The following BRINP1 variants were observed in gnomAD, a reference collection of about 807,000 sequenced individuals.
BRINP1 encodes the protein BMP/retinoic acid inducible neural specific 1.
BRINP1 carries 17 observed loss-of-function variants against 72.9 expected under a neutral mutation model. That is an observed-to-expected ratio of 0.23 (90% CI 0.16 to 0.35). The LOEUF (loss-of-function observed/expected upper bound fraction) is 0.35. BRINP1 is among the 10% of genes least tolerant of loss of function. The pLI is 1.00. For synonymous variants in BRINP1, 418 were observed against 378.5 expected, an observed-to-expected ratio of 1.10 and a Z score of -1.21; for missense variants, 850 against 1,001.6, an observed-to-expected ratio of 0.85 and a Z score of 2.04.
intron 5 of BRINP1, among the ~76,000 whole-genome samples, chr9:119,227,833 C>T (rs1018275371): frequency 1.3e-5 from 2 of 151,964 alleles, no homozygotes; most frequent in Admixed American, 6.6e-5. Flanking sequence ...TTTTCATCCT[C>T]TTTGAGCCTC....
At chr9:119,323,999 C>G (rs906720680) in intron 1 of BRINP1, among the ~76,000 whole-genome samples, 1 of 152,158 alleles carries the variant, frequency 6.6e-6, no homozygotes. Flanking sequence ...AACTTTCATC[C>G]AAATGTCAGA....
intron 7 of BRINP1, among the ~76,000 whole-genome samples, chr9:119,180,171 A>G (rs973752831): frequency 6.6e-6 from 1 of 152,176 alleles, no homozygotes; most frequent in African/African-American, 2.4e-5. Flanking sequence ...GAGGAAGAAA[A>G]ACAGATCTAG....
intron 5 of BRINP1, among the ~76,000 whole-genome samples, chr9:119,231,689 G>A (rs62567663): frequency 0.04 from 6,127 of 152,030 alleles, 281 homozygotes; most frequent in African/African-American, 0.11. Context: ...AGTATTTGAC[G>A]CAGTTACTGC....
chr9:119,324,964 G>A (rs749647905), intron 1 of BRINP1, among the ~76,000 whole-genome samples: 1 of 152,038 alleles, frequency 6.6e-6, no homozygotes, highest in South Asian at 2.1e-4. Flanking sequence ...GCTGGCTGTG[G>A]TGGTGCATGC....
intron 2 of BRINP1, among the ~76,000 whole-genome samples, chr9:119,282,502 G>A (rs899716946): frequency 1.8e-4 from 27 of 152,118 alleles, no homozygotes; most frequent in African/African-American, 5.6e-4. Context: ...ACGAGAAGAA[G>A]GACAGAGGGA....
At chr9:119,270,895 A>T (rs560975484) in intron 2 of BRINP1, among the ~76,000 whole-genome samples, 24 of 152,192 alleles carry the variant, frequency 1.6e-4, no homozygotes, top group Non-Finnish European at 3.1e-4. Flanking sequence ...CTGGTGTTGA[A>T]ATGGATGGGG....
At chr9:119,195,706 G>C (rs1420747794) in intron 7 of BRINP1, among the ~76,000 whole-genome samples, 2 of 152,170 alleles carry the variant, frequency 1.3e-5, no homozygotes, top group African/African-American at 4.8e-5. Flanking sequence ...TCTCAGCAGG[G>C]GTGGTACCTG....
At chr9:119,263,819 A>G (rs1279582329) in intron 2 of BRINP1, among the ~76,000 whole-genome samples, 3 of 151,994 alleles carry the variant, frequency 2.0e-5, no homozygotes, top group East Asian at 3.9e-4. Context: ...CGTGTTAGCC[A>G]GGATGGTCTC....
intron 2 of BRINP1, among the ~76,000 whole-genome samples, chr9:119,253,459 A>T (rs1171360359): frequency 6.6e-6 from 1 of 152,170 alleles, no homozygotes; most frequent in Non-Finnish European, 1.5e-5. Flanking sequence ...TTGCAGCAGG[A>T]TGGAAGGAAT....
At chr9:119,293,555 A>G (rs1008304588) in intron 2 of BRINP1, among the ~76,000 whole-genome samples, 3 of 152,220 alleles carry the variant, frequency 2.0e-5, no homozygotes, top group African/African-American at 4.8e-5. Context: ...GTCACATCAG[A>G]AGACTTAGAT....
chr9:119,355,629 T>C (rs919213158), intron 1 of BRINP1, among the ~76,000 whole-genome samples: 37 of 150,832 alleles, frequency 2.5e-4, no homozygotes, highest in African/African-American at 8.8e-4. Flanking sequence ...CTCGGGAAGC[T>C]GAGGCAGGAG....
chr9:119,174,652 A>G (rs1192001888), intron 7 of BRINP1, among the ~76,000 whole-genome samples: 1 of 149,634 alleles, frequency 6.7e-6, no homozygotes, highest in African/African-American at 2.5e-5. Flanking sequence ...ATGCTGCTAT[A>G]AAGACACATG....
At chr9:119,288,255 A>G (rs1482712741) in intron 2 of BRINP1, among the ~76,000 whole-genome samples, 1 of 152,230 alleles carries the variant, frequency 6.6e-6, no homozygotes, top group Non-Finnish European at 1.5e-5. Context: ...TTCTGTAAAT[A>G]ATTCACTGTG....
intron 3 of BRINP1, among the ~76,000 whole-genome samples, chr9:119,245,569 GT>G (rs1466313420): frequency 1.3e-5 from 2 of 152,058 alleles, no homozygotes; most frequent in Non-Finnish European, 2.9e-5. Context: ...TATTTTATTA[GT>G]TTAATAGATT....
intron 2 of BRINP1, among the ~76,000 whole-genome samples, chr9:119,255,319 C>T (rs751291978): frequency 6.6e-6 from 1 of 152,142 alleles, no homozygotes; most frequent in Non-Finnish European, 1.5e-5. Context: ...AGCATCCCAG[C>T]AGGGTGGGCA....
intron 5 of BRINP1, among the ~76,000 whole-genome samples, chr9:119,222,508 C>G (rs867077736): frequency 2.0e-5 from 3 of 152,048 alleles, no homozygotes; most frequent in Middle Eastern, 3.4e-3. Flanking sequence ...TTTTTCCAAC[C>G]TGACTTTTCT....
In BRINP1 at chr9:119,181,343, G is replaced by A. The variant is rs1030069088; in HGVS notation, c.1146-13119C>T. ...ATCTATGATCTTGGCAGTGAGAAGC[G>A]GTGATCACAGGTGAGAGAGTAAGTT... is the stretch of plus-strand genomic sequence containing the variant. On this transcript the variant is annotated intron_variant, in intron 7 of 7. Coordinates refer to ENST00000265922, the MANE Select transcript of BRINP1 (RefSeq NM_014618.3). Among the ~76,000 whole-genome samples, 7 of 152,118 alleles carry A rather than the reference G, an allele frequency of 4.6e-5. No homozygotes were observed. The South Asian group carries it at 6.2e-4, about 14-fold the overall frequency.
rs1829317535 is a variant in BRINP1, at chr9:119,166,785, G to GCTTTCTCCCTTC, written c.*287_*298dup. On this transcript the variant is annotated 3_prime_UTR_variant, in exon 8 of 8. Transcript: ENST00000265922. ...GAGATCTTTACAATTCATTGCATAT[G>GCTTTCTCCCTTC]CTTTCTCCCTTCTCCCCCAATACAG... The GCTTTCTCCCTTC allele has an allele frequency of 2.0e-5, 6 of 298,924 alleles. No individual in the cohort carries two copies. The highest frequency in any genetic ancestry group is 3.7e-5 in the Non-Finnish European group (6 of 160,288). 18.5% of individuals were successfully genotyped at this position (298,924 alleles called of 1,614,324 possible).
intron 2 of BRINP1, among the ~76,000 whole-genome samples, chr9:119,264,819 G>A (rs894667161): frequency 2.6e-5 from 4 of 152,008 alleles, no homozygotes; most frequent in African/African-American, 7.3e-5. Flanking sequence ...ACAGGCACCC[G>A]CCACCATGCC....
Sources: gnomAD v4.1 joint callset for allele counts (sites outside exome capture counted in the v4.1 genomes callset) on GRCh38, gnomAD v4.1.1 for gene constraint, MANE v1.5 for transcripts, NCBI Gene and HGNC (gene_info 2026-07-23, HGNC 2026-07-21) for gene names.